The following MECOM variants were observed in gnomAD, a reference collection of about 807,000 sequenced individuals.
MECOM encodes histone-lysine N-methyltransferase MECOM.
MECOM carries 13 observed loss-of-function variants against 116.3 expected under a neutral mutation model. The observed-to-expected ratio is 0.11, with a 90% confidence interval of 0.07 to 0.18. MECOM has a LOEUF of 0.18. Among genes scored for constraint, MECOM ranks in the 10% least tolerant of loss-of-function variants. The pLI is 1.00. For synonymous variants in MECOM, 528 were observed against 535.2 expected (o/e 0.99, Z 0.19); for missense variants, 1,299 against 1,509.0 (o/e 0.86, Z 2.31).
At chr3:169,177,578 C>T (rs184255793) in intron 2 of MECOM, among the ~76,000 whole-genome samples, 36 of 151,940 alleles carry the variant, frequency 2.4e-4, no homozygotes, top group Non-Finnish European at 3.5e-4. Flanking sequence ...CATATGTATC[C>T]GAGAACTTAA....
intron 9 of MECOM, among the ~76,000 whole-genome samples, chr3:169,111,377 T>A (rs955359587): frequency 6.6e-6 from 1 of 152,156 alleles, no homozygotes; most frequent in African/African-American, 2.4e-5. Context: ...ATGAATATTA[T>A]ATGTTCATAA....
chr3:169,485,902 AG>A (rs1752122179), intron 1 of MECOM, among the ~76,000 whole-genome samples: 1 of 123,580 alleles, frequency 8.1e-6, no homozygotes, highest in Non-Finnish European at 1.6e-5. Context: ...TAGTATATAT[AG>A]TATATATGTA....
At chr3:169,179,464 A>AAG (rs10663789) in intron 2 of MECOM, among the ~76,000 whole-genome samples, 79,194 of 151,870 alleles carry the variant, frequency 0.52, 21,808 homozygotes, top group African/African-American at 0.7. Context: ...CCTAAGAAGA[A>AAG]AGTGCAGTTG....
chr3:169,623,882 A>G (rs1042063604), intron 1 of MECOM: 19 of 152,094 alleles, frequency 1.2e-4, no homozygotes, highest in African/African-American at 4.1e-4. Context: ...CAAAAAAGTT[A>G]TTCCTTAACA....
intron 1 of MECOM, chr3:169,477,105 GTATATATATATATATATATATATATATA>G (rs1166256593): frequency 1.7e-5 from 1 of 59,546 alleles, no homozygotes; most frequent in African/African-American, 7.7e-5. Context: ...GTGTGTGTGT[GTATATATATATATATATATATATATATA>G]TATATATATA....
At chr3:169,089,817 C>T (rs1719069288) in intron 15 of MECOM, among the ~76,000 whole-genome samples, 183 bp downstream of exon 15, 1 of 152,098 alleles carries the variant, frequency 6.6e-6, no homozygotes, top group Admixed American at 6.6e-5. Flanking sequence ...TATTTATATG[C>T]TTGTGGATTA....
chr3:169,426,838 G>C (rs1282890180), intron 1 of MECOM, among the ~76,000 whole-genome samples: 2 of 152,108 alleles, frequency 1.3e-5, no homozygotes, highest in Non-Finnish European at 2.9e-5. Flanking sequence ...GTAACATAAG[G>C]CTAACAGAGA....
chr3:169,252,133 G>A (rs1756317863), intron 2 of MECOM, among the ~76,000 whole-genome samples: 1 of 152,114 alleles, frequency 6.6e-6, no homozygotes, highest in Non-Finnish European at 1.5e-5. Context: ...TGGGCAAGAT[G>A]ATATAAGAGT....
At chr3:169,622,998 G>A (rs1770936915) in intron 1 of MECOM, among the ~76,000 whole-genome samples, 1 of 152,194 alleles carries the variant, frequency 6.6e-6, no homozygotes, top group South Asian at 2.1e-4. Flanking sequence ...CTGTAAGCCA[G>A]AACACTTCTT....
chr3:169,351,230 T>C (rs906080483), intron 2 of MECOM, among the ~76,000 whole-genome samples: 1 of 151,906 alleles, frequency 6.6e-6, no homozygotes, highest in Non-Finnish European at 1.5e-5. Context: ...GAAGAACTTC[T>C]GAAGGACTGT....
intron 2 of MECOM, among the ~76,000 whole-genome samples, chr3:169,292,336 A>G (rs1161148166): frequency 3.3e-5 from 5 of 152,176 alleles, no homozygotes; most frequent in Non-Finnish European, 7.4e-5. Flanking sequence ...CCATCTCAAA[A>G]TAAAATAAAA....
intron 1 of MECOM, among the ~76,000 whole-genome samples, chr3:169,396,231 C>G (rs1735005570): frequency 6.6e-6 from 1 of 152,112 alleles, no homozygotes; most frequent in Non-Finnish European, 1.5e-5. Flanking sequence ...CCTGTTTAAA[C>G]CAGAAGAACA....
Position 169,308,899 on chromosome 3 carries a change from C to T in MECOM, c.375+72288G>A, listed in dbSNP as rs559574922. Among the ~76,000 whole-genome samples, 12 of 152,224 alleles carry T rather than the reference C, an allele frequency of 7.9e-5. 1 individual carries two copies. The South Asian group carries it at 2.5e-3, about 32-fold the overall frequency. On this transcript the variant is annotated intron_variant, in intron 2 of 16. Transcript: ENST00000651503. ...ATCGATGGACACTTCCAGACATTTCCCTTTCAGATATCAAAAGGAAGTATT... is the reference window on the plus strand; with the variant it reads ...ATCGATGGACACTTCCAGACATTTCTCTTTCAGATATCAAAAGGAAGTATT...
intron 2 of MECOM, among the ~76,000 whole-genome samples, chr3:169,164,729 T>C (rs1053273069): frequency 1.3e-5 from 2 of 151,556 alleles, no homozygotes; most frequent in African/African-American, 4.8e-5. Context: ...TTATATTTGA[T>C]TTTAACATTA....
At chr3:169,496,082 A>T (rs2108947006) in intron 1 of MECOM, among the ~76,000 whole-genome samples, 1 of 152,328 alleles carries the variant, frequency 6.6e-6, no homozygotes, top group South Asian at 2.1e-4. Context: ...AGGATATGGG[A>T]GCCTCCTCAA....
At chr3:169,413,276 A>C (rs918880954) in intron 1 of MECOM, among the ~76,000 whole-genome samples, 1 of 152,160 alleles carries the variant, frequency 6.6e-6, no homozygotes, top group Non-Finnish European at 1.5e-5. Context: ...TCCCTTAGCC[A>C]AGGGAAGCCA....
rs763887004 is a variant in MECOM, at chr3:169,149,925, TTCTC to T, written c.376-6097_376-6094del. On this transcript the variant is annotated intron_variant, in intron 2 of 16. Transcript: ENST00000651503. ...CAAAACACTAAATCTTAATCTCTCT[TTCTC>T]TCTCTCTGTGTGTGTGTGTGTGTGT... Among the ~76,000 whole-genome samples, 111 of 133,042 alleles carry T rather than the reference TTCTC, an allele frequency of 8.3e-4. 1 individual carries two copies. The highest frequency in any genetic ancestry group is 1.5e-4 in the Non-Finnish European group (9 of 61,006). 87.3% of individuals were successfully genotyped at this position (133,042 alleles called of 152,430 possible).
intron 2 of MECOM, among the ~76,000 whole-genome samples, chr3:169,343,636 T>A (rs1724917610): frequency 6.6e-6 from 1 of 152,220 alleles, no homozygotes; most frequent in Non-Finnish European, 1.5e-5. Context: ...TGCTGTTAAT[T>A]TAAATTTAAA....
chr3:169,183,630 A>G (rs1468049609), intron 2 of MECOM, among the ~76,000 whole-genome samples: 2 of 152,016 alleles, frequency 1.3e-5, no homozygotes, highest in Non-Finnish European at 2.9e-5. Flanking sequence ...CCTGCCTCAC[A>G]GGCACTAAGC....
Sources: gnomAD v4.1 joint callset for allele counts (sites outside exome capture counted in the v4.1 genomes callset) on GRCh38, gnomAD v4.1.1 for gene constraint, MANE v1.5 for transcripts, NCBI Gene and HGNC (gene_info 2026-07-23, HGNC 2026-07-21) for gene names.